MDGA2: variants seen among roughly 807,000 people sequenced by gnomAD.
The protein encoded by MDGA2 is MAM domain-containing glycosylphosphatidylinositol anchor protein 2.
In MDGA2, 40 loss-of-function variants were observed where a neutral mutation model predicts 117.8. The observed-to-expected ratio is 0.34, with a 90% CI of 0.26 to 0.44. The LOEUF (loss-of-function observed/expected upper bound fraction) is 0.44, where lower values mean the gene tolerates loss of function less well. Among genes scored for constraint, MDGA2 ranks in the 20% least tolerant of loss-of-function variants. The pLI, the probability that MDGA2 is intolerant of heterozygous loss-of-function variation, is 1.00. For synonymous variants in MDGA2, 452 were observed against 439.0 expected (o/e 1.03, Z -0.37); for missense variants, 1,123 against 1,250.6 (o/e 0.90, Z 1.54).
chr14:47,365,740 A>G (rs536756859), intron 1 of MDGA2, among the ~76,000 whole-genome samples: 3 of 152,238 alleles, frequency 2.0e-5, no homozygotes, highest in African/African-American at 7.2e-5. Context: ...ATTAATACGC[A>G]GTCTTAGCCT....
At chr14:47,632,779 T>C (rs1253474389) in intron 1 of MDGA2, among the ~76,000 whole-genome samples, 1 of 152,046 alleles carries the variant, frequency 6.6e-6, no homozygotes, top group Admixed American at 6.6e-5. Context: ...GGCTCTTCCT[T>C]TCCTTCCTTC....
intron 5 of MDGA2, among the ~76,000 whole-genome samples, chr14:47,101,583 G>C (rs1880327629): frequency 1.3e-5 from 2 of 152,268 alleles, no homozygotes; most frequent in Admixed American, 6.5e-5. Flanking sequence ...CATGTTCCAG[G>C]GAGACAGCTC....
At chr14:47,407,357 C>A (rs1892279726) in intron 1 of MDGA2, among the ~76,000 whole-genome samples, 1 of 152,000 alleles carries the variant, frequency 6.6e-6, no homozygotes, top group Non-Finnish European at 1.5e-5. Flanking sequence ...AAAATGGACT[C>A]TTTGGTTTTA....
At chr14:47,139,214 T>C (rs1394944091) in intron 4 of MDGA2, among the ~76,000 whole-genome samples, 2 of 152,076 alleles carry the variant, frequency 1.3e-5, no homozygotes, top group Non-Finnish European at 2.9e-5. Context: ...TTCCACCATA[T>C]ATACCCAGTA....
At chr14:47,599,016 G>A (rs17118957) in intron 1 of MDGA2, among the ~76,000 whole-genome samples, 61,247 of 151,738 alleles carry the variant, frequency 0.4, 14,737 homozygotes, top group East Asian at 0.69. Flanking sequence ...AGTAGAAAGT[G>A]TCTGAGTTCA....
chr14:47,067,773 A>C (rs183268506), intron 6 of MDGA2, among the ~76,000 whole-genome samples: 20 of 152,312 alleles, frequency 1.3e-4, no homozygotes, highest in African/African-American at 4.3e-4. Flanking sequence ...GCTTGAAGAA[A>C]TAATAATTTG....
chr14:46,993,176 C>T (rs778600571), intron 8 of MDGA2, among the ~76,000 whole-genome samples: 3 of 151,990 alleles, frequency 2.0e-5, no homozygotes, highest in South Asian at 4.2e-4. Context: ...TATGATGATG[C>T]GAGGTATGCT....
At chr14:47,222,951 C>T (rs1009292407) in intron 2 of MDGA2, among the ~76,000 whole-genome samples, 1 of 152,150 alleles carries the variant, frequency 6.6e-6, no homozygotes, top group African/African-American at 2.4e-5. Context: ...AAAGACATAC[C>T]TGAGACTGGG....
At chr14:46,880,360 A>G (rs1882396748) in intron 11 of MDGA2, among the ~76,000 whole-genome samples, 1 of 151,992 alleles carries the variant, frequency 6.6e-6, no homozygotes, top group Non-Finnish European at 1.5e-5. Flanking sequence ...TATTCTACTG[A>G]AGCAATACAA....
chr14:47,209,392 T>C (rs1885802799), intron 3 of MDGA2, among the ~76,000 whole-genome samples: 1 of 152,054 alleles, frequency 6.6e-6, no homozygotes, highest in African/African-American at 2.4e-5. Flanking sequence ...AGAATCAGGT[T>C]GAATGAGGGA....
intron 8 of MDGA2, among the ~76,000 whole-genome samples, chr14:47,015,870 C>T (rs574252658): frequency 6.6e-6 from 1 of 151,674 alleles, no homozygotes; most frequent in African/African-American, 2.4e-5. Context: ...ATCTAAGGAG[C>T]CCAGATGTAA....
Position 47,655,669 on chromosome 14 carries a change from A to T in MDGA2, c.280+18848T>A, listed in dbSNP as rs181476877. Among the ~76,000 whole-genome samples, 273 of 152,258 alleles carry T rather than the reference A, an allele frequency of 1.8e-3. 1 individual carries two copies. The highest frequency in any genetic ancestry group is 4.2e-3 in the Admixed American group (64 of 15,284). The stretch of plus-strand genomic sequence containing the variant: ...ATAAAAAGCAATCTTCCAAAAAAAG[A>T]ACAAATTAGCTCACTTTCCCCATCA... On this transcript the variant is annotated intron_variant, in intron 1 of 16. Transcript: ENST00000399232.
chr14:47,285,103 T>G (rs1000136530), intron 2 of MDGA2, among the ~76,000 whole-genome samples: 2 of 152,126 alleles, frequency 1.3e-5, no homozygotes, highest in African/African-American at 4.8e-5. Flanking sequence ...GAGAAGTTTA[T>G]ACTTCATAGA....
At chr14:47,214,097 A>C (rs138958466) in intron 3 of MDGA2, among the ~76,000 whole-genome samples, 4 of 152,098 alleles carry the variant, frequency 2.6e-5, no homozygotes, top group Non-Finnish European at 5.9e-5. Context: ...GACCACCTGC[A>C]TGATTCAATT....
In MDGA2 at chr14:46,939,325, G is replaced by C. The variant is rs537602195; in HGVS notation, c.2089+18049C>G. 5.9e-5 allele frequency among the ~76,000 whole-genome samples: 9 copies of C among 152,232 alleles called. No individual in the cohort carries two copies. In the East Asian group the frequency reaches 1.7e-3, roughly 29 times the overall value. The stretch of plus-strand genomic sequence containing the variant: ...AGATAGTAGATATGCTAATTACTAT[G>C]ATTTGATCACTACATATTGTATGTA... On this transcript the variant is annotated intron_variant, in intron 9 of 16. Coordinates refer to ENST00000399232, the MANE Select transcript of MDGA2 (RefSeq NM_001113498.3).
intron 2 of MDGA2, among the ~76,000 whole-genome samples, chr14:47,243,862 C>A (rs563815217): frequency 6.6e-6 from 1 of 151,964 alleles, no homozygotes; most frequent in South Asian, 2.1e-4. Flanking sequence ...GGTGATAGGA[C>A]ATACGTGTGA....
intron 1 of MDGA2, among the ~76,000 whole-genome samples, chr14:47,628,007 C>G (rs1316153237): frequency 6.6e-6 from 1 of 152,130 alleles, no homozygotes; most frequent in East Asian, 1.9e-4. Flanking sequence ...GTCAGTGAGA[C>G]CAACAACCCA....
intron 1 of MDGA2, among the ~76,000 whole-genome samples, chr14:47,544,773 A>T (rs536376037): frequency 1.3e-5 from 2 of 152,272 alleles, no homozygotes; most frequent in South Asian, 4.1e-4. Flanking sequence ...ACTAGATAAT[A>T]CAAAGAAGAC....
chr14:47,600,722 T>C (rs1896632379), intron 1 of MDGA2, among the ~76,000 whole-genome samples: 1 of 134,934 alleles, frequency 7.4e-6, no homozygotes, highest in Admixed American at 6.9e-5. Flanking sequence ...CATCGGATCA[T>C]TAAAAAAAAA....
Sources: allele counts gnomAD v4.1 joint callset (sites outside exome capture counted in the v4.1 genomes callset), GRCh38; gene constraint gnomAD v4.1.1; transcripts MANE v1.5; gene names NCBI Gene and HGNC (gene_info 2026-07-23, HGNC 2026-07-21).